The following SEMA5A variants were observed in gnomAD, a reference collection of about 807,000 sequenced individuals.
The protein encoded by SEMA5A is semaphorin-5A.
In SEMA5A, 55 loss-of-function variants were observed where a neutral mutation model predicts 135.5. That is an observed-to-expected ratio of 0.41 (90% CI 0.33 to 0.51). The LOEUF is 0.51. Among genes scored for constraint, SEMA5A ranks in the 20% least tolerant of loss-of-function variants. The pLI, the probability that SEMA5A is intolerant of heterozygous loss-of-function variation, is 0.37. For missense variants in SEMA5A, 1,290 were observed against 1,419.9 expected (o/e 0.91, Z 1.47); for synonymous variants, 580 against 546.5 (o/e 1.06, Z -0.85).
At chr5:9,312,972 G>T (rs1388015845) in intron 5 of SEMA5A, among the ~76,000 whole-genome samples, 1 of 152,110 alleles carries the variant, frequency 6.6e-6, no homozygotes, top group Non-Finnish European at 1.5e-5. Context: ...ACAGAATGGT[G>T]GGAGAGGAGT....
intron 11 of SEMA5A, among the ~76,000 whole-genome samples, chr5:9,164,185 A>G (rs1308378986): frequency 7.3e-6 from 1 of 137,812 alleles, no homozygotes; most frequent in Non-Finnish European, 1.5e-5. Flanking sequence ...TTATAAATAC[A>G]TAGTATATAT....
intron 1 of SEMA5A, among the ~76,000 whole-genome samples, chr5:9,450,219 AAC>A (rs970050389): frequency 6.6e-6 from 1 of 152,170 alleles, no homozygotes; most frequent in Non-Finnish European, 1.5e-5. Context: ...GCTGCTCATG[AAC>A]ACAGTCAAGT....
At chr5:9,515,181 G>T (rs1308432440) in intron 1 of SEMA5A, among the ~76,000 whole-genome samples, 1 of 152,184 alleles carries the variant, frequency 6.6e-6, no homozygotes, top group Non-Finnish European at 1.5e-5. Flanking sequence ...TTGTGATCAA[G>T]TGGCTGACGG....
chr5:9,252,472 A>G (rs1748849921), intron 5 of SEMA5A, among the ~76,000 whole-genome samples: 1 of 152,228 alleles, frequency 6.6e-6, no homozygotes, highest in Non-Finnish European at 1.5e-5. Flanking sequence ...ATAAACATGG[A>G]TATTGTTCCA....
intron 13 of SEMA5A, among the ~76,000 whole-genome samples, chr5:9,132,370 G>C (rs1741482525): frequency 6.6e-6 from 1 of 152,168 alleles, no homozygotes; most frequent in South Asian, 2.1e-4. Flanking sequence ...GAGGTGATTA[G>C]GTCAGGAGGG....
chr5:9,365,459 T>C (rs530293712), intron 3 of SEMA5A, among the ~76,000 whole-genome samples: 2 of 152,172 alleles, frequency 1.3e-5, no homozygotes, highest in East Asian at 3.9e-4. Flanking sequence ...AAATCTAGAG[T>C]GCTGTTCATC....
intron 8 of SEMA5A, among the ~76,000 whole-genome samples, chr5:9,215,939 G>T (rs1360081523): frequency 6.6e-6 from 1 of 151,912 alleles, no homozygotes; most frequent in Non-Finnish European, 1.5e-5. Context: ...GAGCACTGTG[G>T]GGCTCAGAGA....
chr5:9,190,994 T>C (rs1188003699), intron 10 of SEMA5A, among the ~76,000 whole-genome samples: 1 of 152,216 alleles, frequency 6.6e-6, no homozygotes. Context: ...TCACATGGGC[T>C]ACAAAAATAC....
intron 10 of SEMA5A, 23 bp downstream of exon 10, chr5:9,197,145 C>T (rs1399346131): frequency 1.9e-6 from 3 of 1,613,768 alleles, no homozygotes; most frequent in Non-Finnish European, 2.5e-6. Flanking sequence ...GCCAACAGTG[C>T]CCCTTTGCCC....
intron 11 of SEMA5A, among the ~76,000 whole-genome samples, chr5:9,172,482 A>G (rs1249156571): frequency 6.6e-6 from 1 of 152,316 alleles, no homozygotes; most frequent in East Asian, 1.9e-4. Flanking sequence ...TGAAGTTTCT[A>G]CTCTGACAAT....
chr5:9,101,334 T>C (rs925186102), intron 16 of SEMA5A, among the ~76,000 whole-genome samples: 1 of 152,188 alleles, frequency 6.6e-6, no homozygotes, highest in Non-Finnish European at 1.5e-5. Context: ...GCAACCTTCC[T>C]ACAACCTGGA....
intron 1 of SEMA5A, among the ~76,000 whole-genome samples, chr5:9,469,738 T>C (rs749499121): frequency 6.6e-6 from 1 of 152,202 alleles, no homozygotes; most frequent in South Asian, 2.1e-4. Flanking sequence ...AAATTATAAA[T>C]GGCAGAAATG....
intron 11 of SEMA5A, among the ~76,000 whole-genome samples, chr5:9,159,434 T>G (rs1743128444): frequency 6.6e-6 from 1 of 152,200 alleles, no homozygotes; most frequent in Non-Finnish European, 1.5e-5. Flanking sequence ...AGAAAGTCAG[T>G]ATTCTAATGA....
At chr5:9,514,241 A>G (rs1736380523) in intron 1 of SEMA5A, among the ~76,000 whole-genome samples, 2 of 152,128 alleles carry the variant, frequency 1.3e-5, no homozygotes, top group African/African-American at 4.8e-5. Context: ...GACTCTCACG[A>G]TTACATTTAA....
chr5:9,476,737 C>T (rs888204386), intron 1 of SEMA5A, among the ~76,000 whole-genome samples: 4 of 152,146 alleles, frequency 2.6e-5, no homozygotes, highest in Non-Finnish European at 4.4e-5. Flanking sequence ...TTTACCACAA[C>T]ATCTACTAAG....
At chr5:9,456,732 G>C (rs908286538) in intron 1 of SEMA5A, among the ~76,000 whole-genome samples, 5 of 152,126 alleles carry the variant, frequency 3.3e-5, no homozygotes, top group African/African-American at 4.8e-5. Context: ...TGTGATTCAA[G>C]GCAAGGGGGG....
intron 6 of SEMA5A, among the ~76,000 whole-genome samples, chr5:9,233,927 A>C (rs887901031): frequency 1.2e-4 from 18 of 152,192 alleles, no homozygotes; most frequent in African/African-American, 4.3e-4. Context: ...GAAAAAAAAA[A>C]AACAACTTCA....
chr5:9,197,275 C>T lies in SEMA5A; in HGVS notation c.961G>A (p.Val321Ile), dbSNP rs146817742. Residue 321 changes from valine to isoleucine, a missense_variant, in exon 10 of 23, where the codon GTC becomes ATC. Around this residue, in one of 3 missense-constraint regions of SEMA5A, gnomAD observed 1,029 missense variants for 1,086.6 expected, o/e 0.95. Transcript: ENST00000382496. ...VNSIAASAVC[V>I]FNLSAIAQAF... ...TGCGCGATGGCGCTCAGGTTGAAGA[C>T]GCACACAGCTGAGGCCGCAATGCTG... 387 of 1,613,956 alleles carry T rather than the reference C, an allele frequency of 2.4e-4. 1 individual carries two copies. The African/African-American group carries it at 3.5e-3, about 15-fold the overall frequency.
intron 3 of SEMA5A, among the ~76,000 whole-genome samples, chr5:9,375,060 T>C (rs1204883327): frequency 2.6e-5 from 4 of 152,206 alleles, no homozygotes; most frequent in East Asian, 3.9e-4. Flanking sequence ...CTGCCCCTTA[T>C]GTCCTTGCAT....
Sources: allele counts gnomAD v4.1 joint callset (sites outside exome capture counted in the v4.1 genomes callset), GRCh38; gene constraint gnomAD v4.1.1; regional missense constraint gnomAD v4.1.1; transcripts MANE v1.5; gene names NCBI Gene and HGNC (gene_info 2026-07-23, HGNC 2026-07-21).